RBM19: variants seen among roughly 807,000 people sequenced by gnomAD.
RBM19 encodes the protein RNA binding motif protein 19, also known as probable RNA-binding protein 19.
Under a neutral mutation model 116.8 loss-of-function variants are expected in RBM19, and 94 were observed. That is an observed-to-expected ratio of 0.80 (90% CI 0.68 to 0.95). The LOEUF is 0.95. RBM19 is among the 40% of genes least tolerant of loss of function. The probability of loss-of-function intolerance (pLI) is 0.00; values close to 1 mark genes in which losing one functional copy is unlikely to be tolerated. For missense variants in RBM19, 1,161 were observed against 1,220.7 expected (o/e 0.95, Z 0.73); for synonymous variants, 475 against 494.1 (o/e 0.96, Z 0.51).
At chr12:113,857,425 C>T (rs1877993942) in intron 22 of RBM19, among the ~76,000 whole-genome samples, 1 of 152,240 alleles carries the variant, frequency 6.6e-6, no homozygotes, top group Non-Finnish European at 1.5e-5. Flanking sequence ...AACTGTGGCA[C>T]AGGGAAGGCC....
chr12:113,963,840 TCA>T (rs1872675585), intron 1 of RBM19, among the ~76,000 whole-genome samples: 3 of 152,250 alleles, frequency 2.0e-5, no homozygotes, highest in Admixed American at 2.0e-4. Flanking sequence ...GACAAATTTC[TCA>T]CAGCCTTCTC....
intron 6 of RBM19, among the ~76,000 whole-genome samples, chr12:113,957,580 A>G (rs1415822917): frequency 6.6e-6 from 1 of 152,156 alleles, no homozygotes; most frequent in Non-Finnish European, 1.5e-5. Context: ...AAATAAAATA[A>G]AATAAAATAA....
intron 21 of RBM19, among the ~76,000 whole-genome samples, chr12:113,862,512 G>C (rs1878480657): frequency 6.6e-6 from 1 of 152,194 alleles, no homozygotes; most frequent in South Asian, 2.1e-4. Context: ...TTGGAGATAA[G>C]CGATATATAA....
At chr12:113,880,531 C>G (rs1169431506) in intron 21 of RBM19, among the ~76,000 whole-genome samples, 1 of 152,208 alleles carries the variant, frequency 6.6e-6, no homozygotes, top group East Asian at 1.9e-4. Flanking sequence ...TGGCTTCGGT[C>G]TCAGGGGAAG....
intron 6 of RBM19, among the ~76,000 whole-genome samples, chr12:113,956,576 CAAA>C (rs10592306): frequency 0.12 from 7,887 of 65,772 alleles, 200 homozygotes; most frequent in South Asian, 0.21. Flanking sequence ...AAGACTGTCT[CAAA>C]AAAAAAAAAA....
intron 16 of RBM19, among the ~76,000 whole-genome samples, chr12:113,933,942 A>G (rs1368849560): frequency 6.6e-6 from 1 of 152,086 alleles, no homozygotes; most frequent in Non-Finnish European, 1.5e-5. Context: ...CCACTGTGCC[A>G]TATTTTTCTA....
Position 113,823,121 on chromosome 12 carries a change from G to T in RBM19, c.*103C>A. The T allele has an allele frequency of 9.1e-7, 1 of 1,104,294 alleles. No homozygotes were observed. Among genetic ancestry groups the T allele is most frequent in the Non-Finnish European group, 1.3e-6 (1 of 770,538 alleles). The allele number at this position is 1,104,294 out of a possible 1,614,324, so 68.4% of individuals were successfully genotyped here. On this transcript the variant is annotated 3_prime_UTR_variant, in exon 24 of 24. Transcript: ENST00000261741. ...CCAGTGCAGGGTGGGGCCGCCTGCC[G>T]CTCCCCGCCCCGCCCCCCAGCCCAC...
intron 15 of RBM19, 142 bp downstream of exon 15, chr12:113,939,818 A>G: frequency 1.2e-6 from 1 of 825,174 alleles, no homozygotes; most frequent in Non-Finnish European, 1.9e-6. Flanking sequence ...CAGGGATGAT[A>G]TTCAGCCATG....
chr12:113,911,629 C>G (rs1288974326), intron 21 of RBM19, among the ~76,000 whole-genome samples: 4 of 152,068 alleles, frequency 2.6e-5, no homozygotes, highest in Admixed American at 2.6e-4. Context: ...CCTTATAGTC[C>G]TTGAGGCCGA....
chr12:113,897,282 C>T (rs905526290), intron 21 of RBM19, among the ~76,000 whole-genome samples: 10 of 152,234 alleles, frequency 6.6e-5, no homozygotes, highest in African/African-American at 2.4e-4. Flanking sequence ...GATTCTCCTG[C>T]CTCAGCCTCC....
At chr12:113,854,640 C>G (rs1171656206) in intron 22 of RBM19, among the ~76,000 whole-genome samples, 1 of 152,146 alleles carries the variant, frequency 6.6e-6, no homozygotes, top group African/African-American at 2.4e-5. Context: ...GGAGAATATG[C>G]CAGCTCATCG....
At chr12:113,835,103 C>T (rs1875759733) in intron 23 of RBM19, among the ~76,000 whole-genome samples, 1 of 152,200 alleles carries the variant, frequency 6.6e-6, no homozygotes, top group South Asian at 2.1e-4. Context: ...GACCGCACAC[C>T]TGGCTAAGTG....
At chr12:113,888,547 C>A (rs1199589829) in intron 21 of RBM19, among the ~76,000 whole-genome samples, 1 of 152,084 alleles carries the variant, frequency 6.6e-6, no homozygotes, top group African/African-American at 2.4e-5. Context: ...TTCAAAGCCC[C>A]TTTATGTACA....
rs114848767 is a variant in RBM19 at position 113,875,587 on chromosome 12, T to G, written c.2559-16691A>C. Among the ~76,000 whole-genome samples, 1,100 of 152,056 alleles carry G rather than the reference T, an allele frequency of 7.2e-3. 10 individuals carry two copies. Among genetic ancestry groups the G allele is most frequent in the African/African-American group, 0.021 (884 of 41,472 alleles). ...TCGGGACAGCCCTTGGACATCTTGG[T>G]GTATGTAGGTGGGAGTCTCTTTTCT... is the stretch of plus-strand genomic sequence containing the variant. On this transcript the variant is annotated intron_variant, in intron 21 of 23. Transcript: ENST00000261741.
At chr12:113,920,493 A>C (rs2135864506) in intron 19 of RBM19, 118 bp downstream of exon 19, 1 of 934,066 alleles carries the variant, frequency 1.1e-6, no homozygotes, top group Non-Finnish European at 1.7e-6. Flanking sequence ...GGGAAAAGCA[A>C]TGGGCCCGGT....
chr12:113,856,317 C>A (rs1877898748), intron 22 of RBM19, among the ~76,000 whole-genome samples: 1 of 152,220 alleles, frequency 6.6e-6, no homozygotes, highest in Non-Finnish European at 1.5e-5. Context: ...GCCACCTGGG[C>A]ACTTGGTGAA....
intron 21 of RBM19, among the ~76,000 whole-genome samples, chr12:113,863,979 A>G (rs573851971): frequency 2.0e-5 from 3 of 152,252 alleles, no homozygotes; most frequent in East Asian, 3.9e-4. Context: ...CCTGCTGGAC[A>G]TGAACTCACA....
chr12:113,965,325 A>G (rs1180413990), intron 1 of RBM19, among the ~76,000 whole-genome samples: 7 of 112,306 alleles, frequency 6.2e-5, no homozygotes, highest in South Asian at 3.3e-4. Context: ...ACAAAACCAA[A>G]AAAAGCCATG....
At chr12:113,951,757 A>G (rs1372697952) in intron 8 of RBM19, among the ~76,000 whole-genome samples, 1 of 152,210 alleles carries the variant, frequency 6.6e-6, no homozygotes, top group Non-Finnish European at 1.5e-5. Context: ...ATGCAGAAAC[A>G]TGACAGTGAG....
Sources: allele counts gnomAD v4.1 joint callset (sites outside exome capture counted in the v4.1 genomes callset), GRCh38; gene constraint gnomAD v4.1.1; transcripts MANE v1.5; gene names NCBI Gene and HGNC (gene_info 2026-07-23, HGNC 2026-07-21).